The following FMO3 variants were observed in gnomAD, a reference collection of about 807,000 sequenced individuals.
FMO3 encodes the protein flavin containing dimethylaniline monoxygenase 3.
Under a neutral mutation model 39.4 loss-of-function variants are expected in FMO3, and 40 were observed. The ratio of observed to expected loss-of-function variants is 1.02; its 90% CI spans 0.79 to 1.32. FMO3 has a LOEUF of 1.32. Among genes scored for constraint, FMO3 ranks in the 40% most tolerant of loss-of-function variants. The pLI, the probability that FMO3 is intolerant of heterozygous loss-of-function variation, is 0.00. For synonymous variants in FMO3, 219 were observed against 228.8 expected, an observed-to-expected ratio of 0.96 and a Z score of 0.39; for missense variants, 680 against 651.8, an observed-to-expected ratio of 1.04 and a Z score of -0.47.
At chr1:171,096,463 A>T (rs1237967512) in intron 2 of FMO3, among the ~76,000 whole-genome samples, 12 of 103,142 alleles carry the variant, frequency 1.2e-4, no homozygotes, top group East Asian at 3.5e-4. Context: ...ATATATATTA[A>T]ATACATAATA....
In FMO3 at chr1:171,097,490, G is replaced by C. The variant is rs1194241286; in HGVS notation, c.132+4700G>C. Among the ~76,000 whole-genome samples the C allele has an allele frequency of 5.5e-5, 7 of 126,334 alleles. No individual in the cohort carries two copies. In the Admixed American group the frequency reaches 5.9e-4, roughly 11 times the overall value. The allele number at this position is 126,334 out of a possible 152,430, so 82.9% of individuals were successfully genotyped here. A position where few individuals can be genotyped will look rare whatever the true frequency, so the allele number is the denominator to read the frequency against. On this transcript the variant is annotated intron_variant, in intron 2 of 8. Coordinates refer to ENST00000367755, the MANE Select transcript of FMO3 (RefSeq NM_001002294.3). ...TTTTTAATGACTGCCATTCTAACTG[G>C]TGTGAGATGATATCTCATTTTGGTT... is the stretch of plus-strand genomic sequence containing the variant.
Position 171,116,217 on chromosome 1 carries a change from C to T in FMO3, c.1193C>T (p.Thr398Ile). 1.2e-6 allele frequency: 2 copies of T among 1,603,266 alleles called. No homozygotes were observed. The highest frequency in any genetic ancestry group is 1.7e-6 in the Non-Finnish European group (2 of 1,170,544). The change falls in exon 8 of 9, where the codon ACT (threonine) becomes ATT (isoleucine). Residue 398 changes from threonine to isoleucine, a missense_variant. By Grantham distance (89) the Thr-to-Ile change is moderately conservative. Transcript: ENST00000367755. ...WAAQVIKGTC[T>I]LPSMEDMMND... is the part of the protein sequence containing the mutation. ...TTTCCTTCTTTATCAGGAACTTGTACTTTGCCTTCTATGGAAGACATGATG... is the reference window on the plus strand; with the variant it reads ...TTTCCTTCTTTATCAGGAACTTGTATTTTGCCTTCTATGGAAGACATGATG...
At chr1:171,112,886 A>G (rs1213868490) in intron 6 of FMO3, among the ~76,000 whole-genome samples, 1 of 152,262 alleles carries the variant, frequency 6.6e-6, no homozygotes, top group African/African-American at 2.4e-5. Context: ...AGGAGAAGAC[A>G]TCTGTGGGAG....
At chr1:171,094,521 A>T (rs931202548) in intron 2 of FMO3, among the ~76,000 whole-genome samples, 8 of 152,186 alleles carry the variant, frequency 5.3e-5, no homozygotes, top group African/African-American at 1.9e-4. Context: ...TCTTAGTCAT[A>T]GCCTAGGTAA....
At chr1:171,110,741 C>T in intron 5 of FMO3, 57 bp from the exon 6 acceptor site, 1 of 1,525,036 alleles carries the variant, frequency 6.6e-7, no homozygotes, top group East Asian at 2.3e-5. Context: ...GGGGTGCTCA[C>T]CAGAATATCC....
chr1:171,115,736 T>C (rs1174331172), intron 7 of FMO3, among the ~76,000 whole-genome samples: 1 of 152,178 alleles, frequency 6.6e-6, no homozygotes, highest in East Asian at 1.9e-4. Context: ...CCTTGGTGAC[T>C]TGTGGACAGT....
At chr1:171,102,190 T>C (rs1388671359) in intron 2 of FMO3, among the ~76,000 whole-genome samples, 2 of 152,204 alleles carry the variant, frequency 1.3e-5, no homozygotes, top group Non-Finnish European at 2.9e-5. Flanking sequence ...CATTGGCTTT[T>C]GACGTGATTG....
At chr1:171,096,070 ATT>A (rs1491521006) in intron 2 of FMO3, among the ~76,000 whole-genome samples, 1 of 53,658 alleles carries the variant, frequency 1.9e-5, no homozygotes, top group African/African-American at 9.3e-5. Flanking sequence ...TATATTATAT[ATT>A]AATATATAAT....
intron 2 of FMO3, among the ~76,000 whole-genome samples, chr1:171,097,400 C>A (rs1655157442): frequency 1.8e-5 from 2 of 110,512 alleles, no homozygotes; most frequent in Non-Finnish European, 3.5e-5. Context: ...AGTTTACAGT[C>A]CCACCAACAG....
chr1:171,093,124 CTT>C (rs11317520), intron 2 of FMO3, among the ~76,000 whole-genome samples: 38,535 of 148,490 alleles, frequency 0.26, 5,458 homozygotes, highest in African/African-American at 0.38. Context: ...CTTTTCACAT[CTT>C]TTTTTTTTTT....
Position 171,117,120 on chromosome 1 carries a change from TACAG to T in FMO3, c.1283_1286del (p.Thr428IlefsTer59). On this transcript the variant is annotated frameshift_variant, in exon 9 of 9. Coordinates refer to ENST00000367755, the MANE Select transcript of FMO3 (RefSeq NM_001002294.3). LOFTEE classifies it low-confidence loss of function (END_TRUNC). Reference sequence around the variant, plus strand: ...TCCAGGTTTGGCAAAAGCGAGACCATACAGACAGATTACATTGTTTATATGGATG... The same window carrying T: ...TCCAGGTTTGGCAAAAGCGAGACCATACAGATTACATTGTTTATATGGATG... 2 of 1,614,116 alleles carry T rather than the reference TACAG, an allele frequency of 1.2e-6. No homozygotes were observed. The highest frequency in any genetic ancestry group is 1.7e-6 in the Non-Finnish European group (2 of 1,179,940).
intron 3 of FMO3, among the ~76,000 whole-genome samples, chr1:171,106,041 A>G (rs1314638362): frequency 6.6e-6 from 1 of 152,014 alleles, no homozygotes; most frequent in African/African-American, 2.4e-5. Flanking sequence ...AAAGTAAAAT[A>G]CCTTATTAAT....
chr1:171,107,919 AAGC>A, intron 4 of FMO3, 82 bp downstream of exon 4: 3 of 1,477,144 alleles, frequency 2.0e-6, no homozygotes. Flanking sequence ...CTAAAAGTAT[AAGC>A]AGGTTAAATT....
intron 2 of FMO3, among the ~76,000 whole-genome samples, chr1:171,096,588 AATAC>A (rs1655081092): frequency 4.9e-5 from 6 of 122,734 alleles, no homozygotes; most frequent in African/African-American, 1.9e-4. Context: ...TTATATATTA[AATAC>A]ATAATATACT....
At chr1:171,092,969 G>A (rs539580446) in intron 2 of FMO3, among the ~76,000 whole-genome samples, 179 bp downstream of exon 2, 1 of 152,140 alleles carries the variant, frequency 6.6e-6, no homozygotes, top group Non-Finnish European at 1.5e-5. Flanking sequence ...CAAGTCAGAA[G>A]TAAATTAGAC....
In FMO3 at chr1:171,107,710, TGCAAC is replaced by T; in HGVS notation, c.358_362del (p.Ala120TyrfsTer9). The T allele has an allele frequency of 6.2e-7, 1 of 1,613,408 alleles. No homozygotes were observed. The highest frequency in any genetic ancestry group is 2.2e-5 in the East Asian group (1 of 44,852). Reference sequence around the variant, plus strand: ...CCAGTGTAAATAAACATCCTGATTTTGCAACTACTGGCCAGTGGGATGTTACCACT... The same window carrying T: ...CCAGTGTAAATAAACATCCTGATTTTTACTGGCCAGTGGGATGTTACCACT... On this transcript the variant is annotated frameshift_variant, in exon 4 of 9. Transcript: ENST00000367755. LOFTEE classifies it high-confidence loss of function.
At chr1:171,103,304 TTCCCTTAG>T (rs1215720093) in intron 2 of FMO3, among the ~76,000 whole-genome samples, 1 of 152,168 alleles carries the variant, frequency 6.6e-6, no homozygotes, top group African/African-American at 2.4e-5. Flanking sequence ...ATATCCTAAG[TTCCCTTAG>T]TAAGTTTCCA....
chr1:171,092,679 C>A lies in FMO3; in HGVS notation c.21C>A (p.Ile7=). 6.2e-7 allele frequency: 1 copy of A among 1,614,164 alleles called. No individual in the cohort carries two copies. The highest frequency in any genetic ancestry group is 8.5e-7 in the Non-Finnish European group (1 of 1,180,020). The change falls in exon 2 of 9, where the codon ATC becomes ATA. Residue 7 remains isoleucine (I), a synonymous_variant. Transcript: ENST00000367755. ...TTACCATGGGGAAGAAAGTGGCCAT[C>A]ATTGGAGCTGGTGTGAGTGGCTTGG... MGKKVA[I]IGAGVSGLAS... is the part of the protein sequence containing the mutation.
In FMO3 at chr1:171,110,791, T is replaced by G; in HGVS notation, c.628-7T>G. ...CTAATTTCATGGTTGAATTGGTGTT[T>G]TTTAAGGTCATGATCAGTTCCAGAA... is the stretch of plus-strand genomic sequence containing the variant. On this transcript the variant is annotated splice_region_variant and splice_polypyrimidine_tract_variant and intron_variant, in intron 5 of 8. Transcript: ENST00000367755. 1 of 1,613,804 alleles carries G rather than the reference T, an allele frequency of 6.2e-7. No homozygotes were observed. Among genetic ancestry groups the G allele is most frequent in the Non-Finnish European group, 8.5e-7 (1 of 1,179,746 alleles).
Sources: gnomAD v4.1 joint callset for allele counts (sites outside exome capture counted in the v4.1 genomes callset) on GRCh38, gnomAD v4.1.1 for gene constraint, MANE v1.5 for transcripts, NCBI Gene and HGNC (gene_info 2026-07-23, HGNC 2026-07-21) for gene names.